LAMA2: variants seen among roughly 807,000 people sequenced by gnomAD.
The protein encoded by LAMA2 is laminin subunit alpha-2.
Under a neutral mutation model 364.8 loss-of-function variants are expected in LAMA2, and 269 were observed. That is an observed-to-expected ratio of 0.74 (90% confidence interval 0.67 to 0.82). The LOEUF is 0.82. LAMA2 is among the 40% of genes least tolerant of loss of function. The pLI is 0.00. For missense variants in LAMA2, 3,807 were observed against 3,873.2 expected (o/e 0.98, Z 0.45); for synonymous variants, 1,379 against 1,370.6 (o/e 1.01, Z -0.14).
chr6:129,333,007 C>T (rs1351867075), intron 29 of LAMA2, among the ~76,000 whole-genome samples: 1 of 150,850 alleles, frequency 6.6e-6, no homozygotes, highest in African/African-American at 2.4e-5. Flanking sequence ...ATTTTCCTGC[C>T]TCAGCCTCCT....
intron 34 of LAMA2, among the ~76,000 whole-genome samples, chr6:129,376,875 G>C (rs926194816): frequency 1.3e-5 from 2 of 152,000 alleles, no homozygotes; most frequent in African/African-American, 4.8e-5. Flanking sequence ...TAGTCCACCA[G>C]ACTATAGACT....
At chr6:129,376,162 C>G (rs1583604711) in intron 34 of LAMA2, among the ~76,000 whole-genome samples, 1 of 152,294 alleles carries the variant, frequency 6.6e-6, no homozygotes, top group Admixed American at 6.5e-5. Context: ...CTGCTTCTCT[C>G]TCATCTCTCC....
intron 12 of LAMA2, among the ~76,000 whole-genome samples, chr6:129,210,830 G>A (rs1203377568): frequency 6.6e-6 from 1 of 152,184 alleles, no homozygotes; most frequent in Admixed American, 6.5e-5. Context: ...GTATGAGACA[G>A]ATGCCGGTTA....
chr6:129,273,710 A>T (rs752375215), intron 17 of LAMA2, among the ~76,000 whole-genome samples: 1 of 152,100 alleles, frequency 6.6e-6, no homozygotes, highest in African/African-American at 2.4e-5. Flanking sequence ...TGCCAAAGGG[A>T]TTGGGTTTCC....
At chr6:129,328,176 G>GA in intron 28 of LAMA2, 102 bp from the exon 29 acceptor site, 1 of 994,660 alleles carries the variant, frequency 1.0e-6, no homozygotes, top group Non-Finnish European at 1.6e-6. Flanking sequence ...CCTGCCGCAG[G>GA]TGGGGGAAGG....
intron 34 of LAMA2, among the ~76,000 whole-genome samples, chr6:129,374,584 T>A (rs2114636932): frequency 6.6e-6 from 1 of 152,004 alleles, no homozygotes; most frequent in East Asian, 1.9e-4. Context: ...CCAATCTTTT[T>A]TTTTTTTTTT....
chr6:129,477,012 C>T (rs1463368252), intron 53 of LAMA2, among the ~76,000 whole-genome samples: 2 of 152,102 alleles, frequency 1.3e-5, no homozygotes, highest in Non-Finnish European at 2.9e-5. Flanking sequence ...AAAAAAGGAA[C>T]TTGGCATCAT....
chr6:129,475,398 C>G lies in LAMA2; in HGVS notation c.7448C>G (p.Ala2483Gly), dbSNP rs771227367. ...TCTTTCCCGTTATCTAGTATGAAAG[C>G]AAGGTAAAATTTAAATTTATGCATG... Reference protein sequence around the residue: ...LPTLRNLSMKARPEVNLKKYS... With the variant: ...LPTLRNLSMKGRPEVNLKKYS... The change falls in exon 53 of 65, where the codon GCA becomes GGA. Residue 2483 changes from alanine to glycine, a missense_variant. By Grantham distance (60) the Ala-to-Gly change is moderately conservative. This residue lies in a region of LAMA2 where 3,333 missense variants were observed against 3,345.7 expected (regional missense o/e 1.00). Transcript: ENST00000421865. The G allele has an allele frequency of 1.6e-5, 25 of 1,562,324 alleles. No homozygotes were observed. Among genetic ancestry groups the G allele is most frequent in the Non-Finnish European group, 2.2e-5 (25 of 1,144,816 alleles).
At position 129,157,509 on chromosome 6, in the gene LAMA2, C is replaced by T. The variant is rs1354686187; in HGVS notation, c.1206+2826C>T. On this transcript the variant is annotated intron_variant, in intron 8 of 64. Coordinates refer to ENST00000421865, the MANE Select transcript of LAMA2 (RefSeq NM_000426.4). ...TTCTTGCAGTCTAGAGTTTCTCCTC[C>T]GATGGTTTAACCGTCAGATTTTTAC... The T allele has an allele frequency of 3.7e-6, 6 of 1,611,682 alleles. No homozygotes were observed. The East Asian group carries it at 8.9e-5, about 24-fold the overall frequency.
chr6:129,134,441 T>C (rs1777667481), intron 4 of LAMA2, among the ~76,000 whole-genome samples: 1 of 152,204 alleles, frequency 6.6e-6, no homozygotes, highest in African/African-American at 2.4e-5. Context: ...TTAGTAAGAC[T>C]TTAGGAGTTG....
In LAMA2 at chr6:129,315,795, A is replaced by G. The variant is rs769358660; in HGVS notation, c.3769A>G (p.Ile1257Val). The change falls in exon 26 of 65, where the codon ATC (isoleucine) becomes GTC (valine). Residue 1257 changes from isoleucine (I) to valine (V), a missense_variant. By Grantham distance (29) the Ile-to-Val change is conservative. Coordinates refer to ENST00000421865, the MANE Select transcript of LAMA2 (RefSeq NM_000426.4). ...MAYGGKLKYA[I>V]YFEAREETGF... Reference sequence around the variant, plus strand: ...CTATGGGGGCAAACTCAAGTATGCAATCTATTTCGAGGCTCGGGAAGAAAC... The same window carrying G: ...CTATGGGGGCAAACTCAAGTATGCAGTCTATTTCGAGGCTCGGGAAGAAAC... 4 of 1,613,984 alleles carry G rather than the reference A, an allele frequency of 2.5e-6. No homozygotes were observed. The highest frequency in any genetic ancestry group is 1.7e-5 in the Admixed American group (1 of 60,008).
chr6:129,508,872 G>A (rs1301273423), intron 62 of LAMA2, among the ~76,000 whole-genome samples: 1 of 152,156 alleles, frequency 6.6e-6, no homozygotes, highest in Non-Finnish European at 1.5e-5. Flanking sequence ...ATATCTAAGA[G>A]TGGAATTGAT....
At chr6:128,890,302 A>G (rs1270366213) in intron 1 of LAMA2, among the ~76,000 whole-genome samples, 3 of 152,180 alleles carry the variant, frequency 2.0e-5, no homozygotes, top group Admixed American at 1.3e-4. Flanking sequence ...TGTCAAGGAC[A>G]AACAAAAATT....
chr6:129,016,998 T>C (rs1312615741), intron 1 of LAMA2, among the ~76,000 whole-genome samples: 1 of 151,968 alleles, frequency 6.6e-6, no homozygotes, highest in Non-Finnish European at 1.5e-5. Flanking sequence ...TCAAATCGTA[T>C]ATACAGCATA....
At chr6:128,941,849 T>C (rs1780181641) in intron 1 of LAMA2, among the ~76,000 whole-genome samples, 1 of 152,174 alleles carries the variant, frequency 6.6e-6, no homozygotes, top group Non-Finnish European at 1.5e-5. Flanking sequence ...CAGTTAGACG[T>C]CATCACTGAG....
rs1199572418 is a variant in LAMA2, at chr6:128,907,799, A to G, written c.112+24442A>G. ...TCATAGATAGCTCTTATTATTTTGA[A>G]ATATGTCCCATCAATACCTAATTTA... On this transcript the variant is annotated intron_variant, in intron 1 of 64. Transcript: ENST00000421865. Among the ~76,000 whole-genome samples, 4 of 152,200 alleles carry G rather than the reference A, an allele frequency of 2.6e-5. No individual in the cohort carries two copies. The East Asian group carries it at 7.7e-4, about 29-fold the overall frequency.
intron 1 of LAMA2, among the ~76,000 whole-genome samples, chr6:128,982,691 G>T (rs932563913): frequency 1.3e-5 from 2 of 150,804 alleles, no homozygotes; most frequent in Admixed American, 6.6e-5. Context: ...TGTGCCTGCT[G>T]GTGTGCTGCA....
chr6:129,019,070 G>A (rs1785253577), intron 1 of LAMA2, among the ~76,000 whole-genome samples: 1 of 151,996 alleles, frequency 6.6e-6, no homozygotes, highest in Non-Finnish European at 1.5e-5. Context: ...TATGCCCACT[G>A]TACTGTTTTT....
At chr6:129,426,575 G>A (rs1352767948) in intron 40 of LAMA2, among the ~76,000 whole-genome samples, 2 of 151,828 alleles carry the variant, frequency 1.3e-5, no homozygotes, top group Non-Finnish European at 2.9e-5. Flanking sequence ...AACATCATCA[G>A]TTTTCTGGAG....
Sources: allele counts gnomAD v4.1 joint callset (sites outside exome capture counted in the v4.1 genomes callset), GRCh38; gene constraint gnomAD v4.1.1; regional missense constraint gnomAD v4.1.1; transcripts MANE v1.5; gene names NCBI Gene and HGNC (gene_info 2026-07-23, HGNC 2026-07-21).